OTOF: variants seen among roughly 807,000 people sequenced by gnomAD.
OTOF encodes otoferlin.
In OTOF, 218 loss-of-function variants were observed where a neutral mutation model predicts 236.8. The observed-to-expected ratio is 0.92, with a 90% confidence interval of 0.82 to 1.03. The LOEUF (loss-of-function observed/expected upper bound fraction) is 1.03, where lower values mean the gene tolerates loss of function less well. OTOF is among the 50% of genes least tolerant of loss of function. OTOF has a pLI of 0.00. For synonymous variants in OTOF, 1,041 were observed against 1,072.5 expected, an observed-to-expected ratio of 0.97 and a Z score of 0.57; for missense variants, 2,590 against 2,694.4, an observed-to-expected ratio of 0.96 and a Z score of 0.86.
chr2:26,506,335 C>T (rs1666247240), intron 5 of OTOF, among the ~76,000 whole-genome samples: 1 of 152,232 alleles, frequency 6.6e-6, no homozygotes, highest in Non-Finnish European at 1.5e-5. Flanking sequence ...AGTCCTTGGC[C>T]CTTCCGCATG....
In OTOF at chr2:26,476,912, C is replaced by T. The variant is rs755633345; in HGVS notation, c.2655G>A (p.Lys885=). The change falls in exon 22 of 47, where the codon AAG becomes AAA. Residue 885 remains lysine, a synonymous_variant. Coordinates refer to ENST00000272371, the MANE Select transcript of OTOF (RefSeq NM_194248.3). ...VEEETGKDCA[K]VKTLFLKLPG... ...GCACCTTAAGGAAGAGCGTCTTGAC[C>T]TTGGCGCAGTCCTTGCCAGTCTCCT... The T allele has an allele frequency of 1.9e-6, 3 of 1,610,704 alleles. No individual in the cohort carries two copies. The South Asian group carries it at 3.3e-5, about 18-fold the overall frequency.
Position 26,477,535 on chromosome 2 carries a change from G to A in OTOF, c.2316-29C>T, listed in dbSNP as rs376176080. On this transcript the variant is annotated intron_variant, in intron 19 of 46. Coordinates refer to ENST00000272371, the MANE Select transcript of OTOF (RefSeq NM_194248.3). This position sits in a 1 kb window ranked among gnomAD's most constrained non-coding sequence, Gnocchi z 4.7. ...GGGGTAGGGCGAGCCGGGGTTTAGCGAGCCTGACCAGCAGGGGCTCTGTAG... is the reference window on the plus strand; with the variant it reads ...GGGGTAGGGCGAGCCGGGGTTTAGCAAGCCTGACCAGCAGGGGCTCTGTAG... The A allele has an allele frequency of 7.8e-4, 1,238 of 1,596,028 alleles. 11 individuals carry two copies. In the South Asian group the frequency reaches 0.013, roughly 17 times the overall value.
In OTOF at chr2:26,557,740, C is replaced by T. The variant is rs544798395; in HGVS notation, c.79+753G>A. ...CCTTCCCTGACCACCGGTCACCAGC[C>T]TGGGTGAGGGTGCTGCTTCTGTAGC... On this transcript the variant is annotated intron_variant, in intron 1 of 46. Coordinates refer to ENST00000272371, the MANE Select transcript of OTOF (RefSeq NM_194248.3). Among the ~76,000 whole-genome samples the T allele has an allele frequency of 2.0e-5, 3 of 151,952 alleles. No homozygotes were observed. The South Asian group carries it at 6.2e-4, about 32-fold the overall frequency.
chr2:26,548,657 C>T (rs1026463578), intron 1 of OTOF, among the ~76,000 whole-genome samples: 1 of 152,186 alleles, frequency 6.6e-6, no homozygotes, highest in Non-Finnish European at 1.5e-5. Flanking sequence ...TGTATCTTTT[C>T]TATGTTTAGA....
Position 26,477,323 on chromosome 2 carries a change from T to G in OTOF, c.2407-35A>C. 2 of 1,601,094 alleles carry G rather than the reference T, an allele frequency of 1.2e-6. No individual in the cohort carries two copies. Among genetic ancestry groups the G allele is most frequent in the Non-Finnish European group, 1.7e-6 (2 of 1,172,162 alleles). ...AGGGGGTGTCAGTGAACCCAGCAAC[T>G]GGGGGACAGCTCGGGCCATGACAAA... On this transcript the variant is annotated intron_variant, in intron 20 of 46. Coordinates refer to ENST00000272371, the MANE Select transcript of OTOF (RefSeq NM_194248.3). This position sits in a 1 kb window ranked among gnomAD's most constrained non-coding sequence, Gnocchi z 4.7.
In OTOF at chr2:26,459,986, G is replaced by A. The variant is rs1387512614; in HGVS notation, c.*17+22C>T. 4.5e-6 allele frequency: 7 copies of A among 1,552,280 alleles called. No individual in the cohort carries two copies. The South Asian group carries it at 8.3e-5, about 18-fold the overall frequency. ...CGCCTGCCTAGCCCTTGGTCCAGAG[G>A]AAGAAGTAAGAAATATCAGACCCAG... On this transcript the variant is annotated intron_variant, in intron 46 of 46. Transcript: ENST00000272371.
rs1667655710 is a variant in OTOF at position 26,558,608 on chromosome 2, A to G, written c.-37T>C. ...CTGCCTGGCACTGCCAGGCAGGAGC[A>G]GCGGGAAGGAGCTAGCCGGTGGAGC... On this transcript the variant is annotated 5_prime_UTR_variant, in exon 1 of 47. Transcript: ENST00000272371. The G allele has an allele frequency of 6.5e-7, 1 of 1,547,864 alleles. No individual in the cohort carries two copies. The highest frequency in any genetic ancestry group is 1.7e-5 in the Admixed American group (1 of 59,878).
chr2:26,477,104 C>G lies in OTOF; in HGVS notation c.2524-61G>C. On this transcript the variant is annotated intron_variant, in intron 21 of 46. Coordinates refer to ENST00000272371, the MANE Select transcript of OTOF (RefSeq NM_194248.3). The surrounding 1 kb of genome is among the most constrained non-coding windows in gnomAD (Gnocchi z 4.7). Reference sequence around the variant, plus strand: ...GGGGGTCTAGCCTCCTGATTGAGCCCCCTGATCCTGAGGGGCCCCAGAGAG... The same window carrying G: ...GGGGGTCTAGCCTCCTGATTGAGCCGCCTGATCCTGAGGGGCCCCAGAGAG... 1 of 1,563,384 alleles carries G rather than the reference C, an allele frequency of 6.4e-7. No individual in the cohort carries two copies. Among genetic ancestry groups the G allele is most frequent in the African/African-American group, 1.3e-5 (1 of 74,306 alleles).
At chr2:26,467,076 T>C (rs959147814) in intron 35 of OTOF, 23 bp downstream of exon 35, 12 of 1,610,806 alleles carry the variant, frequency 7.4e-6, no homozygotes, top group Non-Finnish European at 9.3e-6. Context: ...GTGCTCAGGC[T>C]GGGCCCGTGC....
Position 26,558,516 on chromosome 2 carries a change from C to A in OTOF, c.56G>T (p.Arg19Leu). The change falls in exon 1 of 47, where the codon CGG (arginine) becomes CTG (leucine). Residue 19 changes from arginine to leucine, a missense_variant. Physicochemically the swap from Arg to Leu is moderately radical, Grantham distance 102. Coordinates refer to ENST00000272371, the MANE Select transcript of OTOF (RefSeq NM_194248.3). ...ACCTCGGAAAGTCACTTTGGCGATC[C>A]GGTCGCCCCTGCCCCGCAGCTCCGA... Reference protein sequence around the residue: ...TVSELRGRGDRIAKVTFRGQS... With the variant: ...TVSELRGRGDLIAKVTFRGQS... The A allele has an allele frequency of 6.2e-7, 1 of 1,613,962 alleles. No individual in the cohort carries two copies.
chr2:26,511,705 C>T (rs1161024907), intron 5 of OTOF, among the ~76,000 whole-genome samples: 4 of 152,202 alleles, frequency 2.6e-5, no homozygotes, highest in South Asian at 2.1e-4. Context: ...GACTACTAAG[C>T]GGAGAAGAGC....
intron 8 of OTOF, among the ~76,000 whole-genome samples, chr2:26,497,737 G>T (rs1250165503): frequency 6.6e-6 from 1 of 152,180 alleles, no homozygotes; most frequent in Non-Finnish European, 1.5e-5. Flanking sequence ...AAGTGACAAA[G>T]GGACGGAAGT....
chr2:26,546,388 G>C (rs1328985165), intron 1 of OTOF, among the ~76,000 whole-genome samples: 1 of 151,904 alleles, frequency 6.6e-6, no homozygotes, highest in Admixed American at 6.6e-5. Context: ...TTGAACCCGG[G>C]AGGTGGAGGT....
intron 1 of OTOF, among the ~76,000 whole-genome samples, chr2:26,557,922 G>A (rs1447294626): frequency 1.3e-5 from 2 of 151,970 alleles, no homozygotes; most frequent in Admixed American, 6.6e-5. Context: ...ATAAATGGTC[G>A]CTGAATACAG....
intron 25 of OTOF, 130 bp downstream of exon 25, chr2:26,475,229 C>T (rs1048477703): frequency 1.1e-5 from 12 of 1,066,390 alleles, no homozygotes; most frequent in Admixed American, 9.1e-5. Context: ...GCTTCCCAGC[C>T]AGCACCTGGC....
At position 26,464,929 on chromosome 2, in the gene OTOF, C is replaced by T; in HGVS notation, c.4900G>A (p.Gly1634Arg). The T allele has an allele frequency of 6.3e-7, 1 of 1,587,188 alleles. No homozygotes were observed. The highest frequency in any genetic ancestry group is 1.4e-5 in the African/African-American group (1 of 73,206). ...KVDGPHFGPP[G>R]RVKVANRVFT... ...ACGCGGTTGGCCACCTTCACTCTCC[C>T]AGGGGGCCCAAAGTGGGGGCCGTCC... is the stretch of plus-strand genomic sequence containing the variant. The change falls in exon 39 of 47, where the codon GGG (glycine) becomes AGG (arginine). Residue 1634 changes from glycine to arginine, a missense_variant. Gly to Arg is a moderately radical substitution (Grantham distance 125, BLOSUM62 -2). This residue lies in a region of OTOF where 1,211 missense variants were observed against 1,352.8 expected (regional missense o/e 0.90). Coordinates refer to ENST00000272371, the MANE Select transcript of OTOF (RefSeq NM_194248.3).
At chr2:26,463,911 G>A in intron 40 of OTOF, 53 bp downstream of exon 40, 1 of 1,610,942 alleles carries the variant, frequency 6.2e-7, no homozygotes, top group South Asian at 1.1e-5. Context: ...TCAGGTTGGG[G>A]ATCCCTGGTC....
In OTOF at chr2:26,475,971, G is replaced by A. The variant is rs149601398; in HGVS notation, c.2934C>T (p.Ser978=). Residue 978 remains serine (S), a synonymous_variant, in exon 24 of 47, where the codon AGC becomes AGT. Transcript: ENST00000272371. ...QARSLFAADS[S]GLSDPFARVF... is the part of the protein sequence containing the mutation. ...CGCGGGCAAAGGGGTCTGAGAGTCC[G>A]CTGCTGTCGGCGGCAAAGAGGCTGC... The A allele has an allele frequency of 5.6e-6, 9 of 1,612,328 alleles. No homozygotes were observed. Among genetic ancestry groups the A allele is most frequent in the Admixed American group, 1.7e-5 (1 of 59,928 alleles).
chr2:26,504,326 CAG>C (rs1666196068), intron 5 of OTOF, among the ~76,000 whole-genome samples: 1 of 152,116 alleles, frequency 6.6e-6, no homozygotes, highest in Non-Finnish European at 1.5e-5. Flanking sequence ...AGAGAGGACT[CAG>C]GGGCAGAGGC....
Sources: gnomAD v4.1 joint callset for allele counts (sites outside exome capture counted in the v4.1 genomes callset) on GRCh38, gnomAD v4.1.1 for gene constraint, gnomAD v4.1.1 regional missense constraint, Gnocchi (gnomAD v3.1) non-coding constraint, MANE v1.5 for transcripts, NCBI Gene and HGNC (gene_info 2026-07-23, HGNC 2026-07-21) for gene names.